Variants in SLC22A4 observed in about 807,000 individuals in gnomAD.
SLC22A4 encodes the protein ET transporter.
In SLC22A4, 39 loss-of-function variants were observed where a neutral mutation model predicts 56.6. That is an observed-to-expected ratio of 0.69 (90% CI 0.53 to 0.90). The LOEUF is 0.90. Among genes scored for constraint, SLC22A4 ranks in the 40% least tolerant of loss-of-function variants. The probability of loss-of-function intolerance (pLI) is 0.00; values close to 1 mark genes in which losing one functional copy is unlikely to be tolerated. For synonymous variants in SLC22A4, 241 were observed against 281.4 expected, an observed-to-expected ratio of 0.86 and a Z score of 1.44; for missense variants, 594 against 696.5, an observed-to-expected ratio of 0.85 and a Z score of 1.66.
At chr5:132,301,712 C>T (rs770980800) in intron 1 of SLC22A4, among the ~76,000 whole-genome samples, 23 of 152,332 alleles carry the variant, frequency 1.5e-4, no homozygotes, top group South Asian at 1.0e-3. Flanking sequence ...CCCTCACATG[C>T]GGCTGCCACT....
chr5:132,325,778 A>G (rs908835928), intron 4 of SLC22A4, among the ~76,000 whole-genome samples: 1 of 152,240 alleles, frequency 6.6e-6, no homozygotes, highest in Non-Finnish European at 1.5e-5. Context: ...GAGGCCAGAC[A>G]CGACTCCAGA....
chr5:132,341,531 C>A (rs1049917997), intron 9 of SLC22A4, among the ~76,000 whole-genome samples: 5 of 151,966 alleles, frequency 3.3e-5, no homozygotes, highest in Admixed American at 6.6e-5. Flanking sequence ...GGATAAAACC[C>A]AAGAAAATAT....
At chr5:132,324,899 A>G (rs1263279545) in intron 4 of SLC22A4, among the ~76,000 whole-genome samples, 1 of 152,220 alleles carries the variant, frequency 6.6e-6, no homozygotes, top group Non-Finnish European at 1.5e-5. Flanking sequence ...AAAACTAGAG[A>G]TACCAGTGGC....
chr5:132,336,591 C>CTT (rs1200254678), intron 8 of SLC22A4, among the ~76,000 whole-genome samples: 2 of 152,198 alleles, frequency 1.3e-5, no homozygotes, highest in African/African-American at 4.8e-5. Context: ...TATGTTAAAA[C>CTT]TTTTTAAACT....
rs4646202 is a variant in SLC22A4 at position 132,339,902 on chromosome 5, T to C, written c.1445-663T>C. On this transcript the variant is annotated intron_variant, in intron 8 of 9. Transcript: ENST00000200652. ...GGGCAAAGCAAGATGAGGATCTGTT[T>C]TTCTCCTGTGTGAGTAAAGCTTCAC... Among the ~76,000 whole-genome samples the C allele has an allele frequency of 2.1e-3, 316 of 152,290 alleles. 6 individuals are homozygous for C. The East Asian group carries it at 0.058, about 28-fold the overall frequency.
At chr5:132,299,635 G>C (rs1749863265) in intron 1 of SLC22A4, among the ~76,000 whole-genome samples, 1 of 151,926 alleles carries the variant, frequency 6.6e-6, no homozygotes, top group Non-Finnish European at 1.5e-5. Context: ...TGTATTTTTA[G>C]TAGAGACAGG....
intron 5 of SLC22A4, among the ~76,000 whole-genome samples, chr5:132,327,750 A>G (rs77478611): frequency 0.027 from 4,140 of 152,294 alleles, 132 homozygotes; most frequent in African/African-American, 0.077. Context: ...GTGGAAAAAT[A>G]TGTTTCAGGG....
intron 8 of SLC22A4, among the ~76,000 whole-genome samples, chr5:132,337,868 T>C (rs1003709584): frequency 1.9e-4 from 29 of 151,840 alleles, no homozygotes; most frequent in Middle Eastern, 3.4e-3. Flanking sequence ...CCTGAGTTGC[T>C]GGGACTACAG....
chr5:132,313,384 G>A (rs2126712081), intron 2 of SLC22A4, among the ~76,000 whole-genome samples: 1 of 152,318 alleles, frequency 6.6e-6, no homozygotes, highest in African/African-American at 2.4e-5. Flanking sequence ...ACTGCTCCAT[G>A]CTTTTGAGAC....
At chr5:132,327,228 C>G in intron 4 of SLC22A4, 49 bp from the exon 5 acceptor site, 1 of 1,410,706 alleles carries the variant, frequency 7.1e-7, no homozygotes, top group Non-Finnish European at 9.6e-7. Context: ...TTAATAGTAT[C>G]CAGCCCTGCT....
intron 6 of SLC22A4, among the ~76,000 whole-genome samples, chr5:132,334,411 T>G (rs970264051): frequency 2.0e-4 from 30 of 152,336 alleles, no homozygotes; most frequent in Admixed American, 1.2e-3. Flanking sequence ...AAGTTATTGT[T>G]GAATATTGGT....
chr5:132,335,154 A>G (rs141544267), intron 7 of SLC22A4, among the ~76,000 whole-genome samples: 1 of 152,362 alleles, frequency 6.6e-6, no homozygotes, highest in East Asian at 1.9e-4. Context: ...CCAAAGAGGA[A>G]GAGTAACTCT....
chr5:132,321,304 T>C (rs270601), intron 3 of SLC22A4, among the ~76,000 whole-genome samples: 107,273 of 152,060 alleles, frequency 0.71, 38,399 homozygotes, highest in African/African-American at 0.81. Context: ...CCTGTCTGTG[T>C]ACCTCCAGAG....
At position 132,322,224 on chromosome 5, in the gene SLC22A4, T is replaced by C; in HGVS notation, c.693T>C (p.Ser231=). The change falls in exon 4 of 10, where the codon TCT becomes TCC. Residue 231 remains serine, a synonymous_variant. Coordinates refer to ENST00000200652, the MANE Select transcript of SLC22A4 (RefSeq NM_003059.3). ...ILGKSVRIIF[S]TLGVCTFFAV... is the part of the protein sequence containing the mutation. The stretch of plus-strand genomic sequence containing the variant: ...GCAAGTCAGTTCGTATTATATTCTC[T>C]ACATTAGGAGTGTGCACATTTTTTG... 1.2e-6 allele frequency: 2 copies of C among 1,613,716 alleles called. No homozygotes were observed. The highest frequency in any genetic ancestry group is 1.7e-6 in the Non-Finnish European group (2 of 1,179,644).
At chr5:132,334,314 AT>A (rs1750953015) in intron 6 of SLC22A4, among the ~76,000 whole-genome samples, 2 of 152,308 alleles carry the variant, frequency 1.3e-5, no homozygotes, top group African/African-American at 4.8e-5. Flanking sequence ...TGTGACTAAT[AT>A]TTTTTCTTCA....
intron 1 of SLC22A4, among the ~76,000 whole-genome samples, chr5:132,300,467 T>G (rs762374742): frequency 1.3e-5 from 2 of 152,246 alleles, no homozygotes; most frequent in Non-Finnish European, 2.9e-5. Context: ...TGATTTTGCA[T>G]TTTCTGATTC....
intron 3 of SLC22A4, among the ~76,000 whole-genome samples, chr5:132,319,435 G>C (rs1162747598): frequency 6.6e-6 from 1 of 152,088 alleles, no homozygotes; most frequent in African/African-American, 2.4e-5. Flanking sequence ...CATGCCCCCA[G>C]TAATTTTTTT....
At chr5:132,316,106 C>T (rs902629095) in intron 3 of SLC22A4, among the ~76,000 whole-genome samples, 3 of 152,120 alleles carry the variant, frequency 2.0e-5, no homozygotes, top group Admixed American at 2.0e-4. Context: ...TTGGTAGGTG[C>T]CTTCGCTTCC....
rs1361123888 is a variant in SLC22A4 at position 132,312,182 on chromosome 5, A to G, written c.415A>G (p.Asn139Asp). The change falls in exon 2 of 10, where the codon AAC (asparagine) becomes GAC (aspartate). Residue 139 changes from asparagine to aspartate, a missense_variant. By Grantham distance (23) the Asn-to-Asp change is conservative. Coordinates refer to ENST00000200652, the MANE Select transcript of SLC22A4 (RefSeq NM_003059.3). ...VTEWNLVCED[N>D]WKVPLTTSLF... is the part of the protein sequence containing the mutation. ...GCAGTGGAATCTGGTGTGTGAGGAC[A>G]ACTGGAAGGTGCCCCTCACCACCTC... 1 of 1,611,866 alleles carries G rather than the reference A, an allele frequency of 6.2e-7. No individual in the cohort carries two copies. The highest frequency in any genetic ancestry group is 8.5e-7 in the Non-Finnish European group (1 of 1,177,920).
Sources: gnomAD v4.1 joint callset for allele counts (sites outside exome capture counted in the v4.1 genomes callset) on GRCh38, gnomAD v4.1.1 for gene constraint, MANE v1.5 for transcripts, NCBI Gene and HGNC (gene_info 2026-07-23, HGNC 2026-07-21) for gene names.